SLC2A13: variants seen among roughly 807,000 people sequenced by gnomAD.
The protein encoded by SLC2A13 is solute carrier family 2 member 13.
Under a neutral mutation model 64.4 loss-of-function variants are expected in SLC2A13, and 32 were observed. The ratio of observed to expected loss-of-function variants is 0.50; its 90% CI spans 0.37 to 0.67. The LOEUF (loss-of-function observed/expected upper bound fraction) is 0.67, where lower values mean the gene tolerates loss of function less well. SLC2A13 is among the 30% of genes least tolerant of loss of function. The pLI is 0.00. For synonymous variants in SLC2A13, 338 were observed against 327.1 expected (o/e 1.03, Z -0.36); for missense variants, 743 against 829.2 (o/e 0.90, Z 1.28).
intron 3 of SLC2A13, among the ~76,000 whole-genome samples, chr12:39,974,408 T>A (rs1946726353): frequency 6.6e-6 from 1 of 152,196 alleles, no homozygotes; most frequent in Admixed American, 6.5e-5. Flanking sequence ...CCTGCCTGTT[T>A]TTGGTGTCCT....
In SLC2A13 at chr12:39,925,766, T is replaced by C. The variant is rs376220434; in HGVS notation, c.1034+25491A>G. 3.9e-5 allele frequency among the ~76,000 whole-genome samples: 6 copies of C among 152,324 alleles called. No homozygotes were observed. In the South Asian group the frequency reaches 1.2e-3, roughly 32 times the overall value. On this transcript the variant is annotated intron_variant, in intron 4 of 9. Transcript: ENST00000280871. ...AGATCACTGCCACTTTATTTTCATT[T>C]GGTATTTTCCTCTATATCTGTCTAT...
Position 39,864,864 on chromosome 12 carries a change from A to G in SLC2A13, c.1217T>C (p.Ile406Thr). 1.2e-6 allele frequency: 2 copies of G among 1,613,754 alleles called. No individual in the cohort carries two copies. Among genetic ancestry groups the G allele is most frequent in the Non-Finnish European group, 8.5e-7 (1 of 1,179,814 alleles). Reference protein sequence around the residue: ...GSLAGTTVALIILALGFVLSA... With the variant: ...GSLAGTTVALTILALGFVLSA... ...TAGCACAAATCCCAAGGCAAGAATA[A>G]TGAGTGCTACGGTGGTACCTTAAAA... The change falls in exon 6 of 10, where the codon ATT (isoleucine) becomes ACT (threonine). Residue 406 changes from isoleucine to threonine, a missense_variant. Ile to Thr is a moderately conservative substitution (Grantham distance 89). Around this residue, in one of 2 missense-constraint regions of SLC2A13, gnomAD observed 295 missense variants for 381.7 expected, o/e 0.77. Coordinates refer to ENST00000280871, the MANE Select transcript of SLC2A13 (RefSeq NM_052885.4).
chr12:39,903,755 C>T (rs1243672506), intron 4 of SLC2A13, among the ~76,000 whole-genome samples: 2 of 152,074 alleles, frequency 1.3e-5, no homozygotes, highest in African/African-American at 4.8e-5. Flanking sequence ...GAAGCAAGCT[C>T]TATTCCTAGA....
At chr12:39,768,138 A>C (rs1393315008) in intron 7 of SLC2A13, among the ~76,000 whole-genome samples, 1 of 152,080 alleles carries the variant, frequency 6.6e-6, no homozygotes. Flanking sequence ...TCTTTCCTTA[A>C]ACCTCATGAA....
chr12:40,034,117 A>C (rs1947943016), intron 2 of SLC2A13, among the ~76,000 whole-genome samples: 1 of 152,236 alleles, frequency 6.6e-6, no homozygotes, highest in South Asian at 2.1e-4. Context: ...ATCCTAGTTA[A>C]GGGAAGTTTA....
At chr12:40,000,019 C>T (rs1316233697) in intron 3 of SLC2A13, among the ~76,000 whole-genome samples, 1 of 152,154 alleles carries the variant, frequency 6.6e-6, no homozygotes, top group Non-Finnish European at 1.5e-5. Context: ...ATAGAAAGAA[C>T]CTACACTGAA....
chr12:39,766,334 C>A (rs1940348586), intron 7 of SLC2A13, among the ~76,000 whole-genome samples: 3 of 152,032 alleles, frequency 2.0e-5, no homozygotes, highest in African/African-American at 7.2e-5. Context: ...AGTTATGTTC[C>A]CATGAAAGTG....
chr12:40,005,319 A>G lies in SLC2A13; in HGVS notation c.925+22982T>C, dbSNP rs543963925. On this transcript the variant is annotated intron_variant, in intron 3 of 9. Transcript: ENST00000280871. ...TTTGAAGTGTCCCCAGGTGAGCCAC[A>G]ACAAATCCCTCATCCAGAGGTACAA... Among the ~76,000 whole-genome samples, 11 of 152,314 alleles carry G rather than the reference A, an allele frequency of 7.2e-5. No individual in the cohort carries two copies. In the South Asian group the frequency reaches 2.3e-3, roughly 32 times the overall value.
chr12:40,017,894 C>A (rs950131867), intron 3 of SLC2A13, among the ~76,000 whole-genome samples: 1 of 144,988 alleles, frequency 6.9e-6, no homozygotes, highest in East Asian at 2.1e-4. Flanking sequence ...CACGTGGACA[C>A]AAACATTGAC....
At chr12:39,863,977 C>T (rs1943837952) in intron 6 of SLC2A13, among the ~76,000 whole-genome samples, 1 of 152,150 alleles carries the variant, frequency 6.6e-6, no homozygotes, top group Non-Finnish European at 1.5e-5. Flanking sequence ...AAGGAATATA[C>T]ATTTTTGTTA....
intron 4 of SLC2A13, among the ~76,000 whole-genome samples, chr12:39,895,884 GCGTGTA>G (rs1944795957): frequency 1.9e-4 from 1 of 5,402 alleles, no homozygotes; most frequent in Admixed American, 1.7e-3. Flanking sequence ...ATATGTATAT[GCGTGTA>G]TATGCACACA....
At chr12:39,872,327 G>T (rs1218090195) in intron 4 of SLC2A13, among the ~76,000 whole-genome samples, 1 of 152,170 alleles carries the variant, frequency 6.6e-6, no homozygotes, top group South Asian at 2.1e-4. Context: ...CAAGTCCATG[G>T]AATGAATCAG....
At chr12:39,974,231 A>G (rs185883538) in intron 3 of SLC2A13, among the ~76,000 whole-genome samples, 1 of 152,350 alleles carries the variant, frequency 6.6e-6, no homozygotes, top group East Asian at 1.9e-4. Flanking sequence ...GATAACTACT[A>G]CAGCTAGAAC....
intron 1 of SLC2A13, among the ~76,000 whole-genome samples, chr12:40,088,838 GT>G (rs1046919655): frequency 3.9e-5 from 6 of 152,114 alleles, no homozygotes; most frequent in African/African-American, 1.4e-4. Flanking sequence ...GGTGAAGTAT[GT>G]TTTTTAACAA....
At chr12:40,052,061 G>T (rs1051124646) in intron 1 of SLC2A13, among the ~76,000 whole-genome samples, 2 of 152,120 alleles carry the variant, frequency 1.3e-5, no homozygotes, top group African/African-American at 4.8e-5. Flanking sequence ...AGAGAAGGAA[G>T]CTGAGGATGA....
At chr12:39,930,929 C>T (rs554121361) in intron 4 of SLC2A13, among the ~76,000 whole-genome samples, 15 of 152,210 alleles carry the variant, frequency 9.9e-5, no homozygotes, top group African/African-American at 3.4e-4. Context: ...AAATAGCTTA[C>T]CAACATTTTT....
At chr12:40,004,200 T>C (rs1947369675) in intron 3 of SLC2A13, among the ~76,000 whole-genome samples, 1 of 152,106 alleles carries the variant, frequency 6.6e-6, no homozygotes, top group Non-Finnish European at 1.5e-5. Flanking sequence ...TTTATTTTAT[T>C]TGAGATGGAG....
At chr12:40,023,818 T>C (rs1279449191) in intron 3 of SLC2A13, among the ~76,000 whole-genome samples, 1 of 152,180 alleles carries the variant, frequency 6.6e-6, no homozygotes, top group Non-Finnish European at 1.5e-5. Context: ...CCCAGGGATA[T>C]AAATGACAGA....
intron 6 of SLC2A13, among the ~76,000 whole-genome samples, chr12:39,832,059 A>G (rs1942866526): frequency 6.6e-6 from 1 of 152,064 alleles, no homozygotes; most frequent in African/African-American, 2.4e-5. Context: ...CCTATTTTTG[A>G]ATGACACTTC....
Sources: gnomAD v4.1 joint callset for allele counts (sites outside exome capture counted in the v4.1 genomes callset) on GRCh38, gnomAD v4.1.1 for gene constraint, gnomAD v4.1.1 regional missense constraint, MANE v1.5 for transcripts, NCBI Gene and HGNC (gene_info 2026-07-23, HGNC 2026-07-21) for gene names.